AMMECR1: variants seen among roughly 807,000 people sequenced by gnomAD.
The protein encoded by AMMECR1 is nuclear protein AMMECR1.
AMMECR1 carries 3 observed loss-of-function variants against 22.5 expected under a neutral mutation model. That is an observed-to-expected ratio of 0.13 (90% CI 0.06 to 0.35). The LOEUF is 0.35. Ranked by LOEUF, AMMECR1 falls within the 10% of genes least tolerant of loss-of-function variation. The pLI is 1.00. For synonymous variants in AMMECR1, 130 were observed against 116.7 expected, an observed-to-expected ratio of 1.11 and a Z score of -0.74; for missense variants, 235 against 278.7, an observed-to-expected ratio of 0.84 and a Z score of 1.12.
chrX:110,282,890 T>C lies in AMMECR1; in HGVS notation c.474-18291A>G, dbSNP rs148517038. Among the ~76,000 whole-genome samples the C allele has an allele frequency of 3.4e-3, 378 of 111,581 alleles. 4 individuals are homozygous for C. The highest frequency in any genetic ancestry group is 0.012 in the African/African-American group (360 of 30,677). The stretch of plus-strand genomic sequence containing the variant: ...ATGCATTTTCTTCTTCTCGGCAAGA[T>C]TGGTTTACTTGCCCAAGACACTGTT... On this transcript the variant is annotated intron_variant, in intron 1 of 5. Coordinates refer to ENST00000262844, the MANE Select transcript of AMMECR1 (RefSeq NM_015365.3).
At chrX:110,245,976 T>C (rs1342717065) in intron 2 of AMMECR1, among the ~76,000 whole-genome samples, 2 of 112,388 alleles carry the variant, frequency 1.8e-5, no homozygotes, top group Non-Finnish European at 3.8e-5. Flanking sequence ...ACAATTTTAA[T>C]AAGCAGCCCT....
At chrX:110,319,809 T>G (rs1386561652), upstream of AMMECR1, among the ~76,000 whole-genome samples, 1 of 112,113 alleles carries the variant, frequency 8.9e-6, no homozygotes, top group Non-Finnish European at 1.9e-5. Flanking sequence ...CCAAAAACCA[T>G]GCCATTATAC....
intron 2 of AMMECR1, among the ~76,000 whole-genome samples, chrX:110,250,274 C>T (rs1025634951): frequency 9.0e-6 from 1 of 111,697 alleles, no homozygotes; most frequent in Admixed American, 9.5e-5. Flanking sequence ...TGTCAGGAGA[C>T]CTGTGTTCTA....
intron 2 of AMMECR1, among the ~76,000 whole-genome samples, chrX:110,237,239 CTT>C (rs2067606363): frequency 9.0e-6 from 1 of 111,095 alleles, no homozygotes; most frequent in African/African-American, 3.3e-5. Context: ...ATAACGGACT[CTT>C]TAGATGAACA....
intron 1 of AMMECR1, among the ~76,000 whole-genome samples, chrX:110,433,842 CCA>C (rs1462820817): frequency 8.9e-6 from 1 of 112,222 alleles, no homozygotes; most frequent in African/African-American, 3.2e-5. Context: ...ATTTTTATTT[CCA>C]GTTTACAAAT....
intron 2 of AMMECR1, among the ~76,000 whole-genome samples, chrX:110,231,977 A>G (rs767770678): frequency 8.9e-6 from 1 of 111,912 alleles, no homozygotes; most frequent in South Asian, 3.8e-4. Flanking sequence ...TATCCTAAAT[A>G]TATATGCACC....
At chrX:110,417,859 G>T (rs913540370) in intron 2 of AMMECR1, among the ~76,000 whole-genome samples, 1 of 112,484 alleles carries the variant, frequency 8.9e-6, no homozygotes. Flanking sequence ...AAGAGAAAAC[G>T]GAGGTAGCCT....
At chrX:110,385,501 G>A (rs186786560) in intron 2 of AMMECR1, among the ~76,000 whole-genome samples, 4 of 111,253 alleles carry the variant, frequency 3.6e-5, no homozygotes, top group East Asian at 2.8e-4. Context: ...ACTGGTAGCC[G>A]TTTCCATCCC....
At chrX:110,238,720 A>T (rs1444956198) in intron 2 of AMMECR1, among the ~76,000 whole-genome samples, 1 of 112,447 alleles carries the variant, frequency 8.9e-6, no homozygotes, top group Admixed American at 9.3e-5. Context: ...TGCCTCCTCA[A>T]GTGGGTCCCT....
chrX:110,411,579 T>C (rs188654361), intron 2 of AMMECR1, among the ~76,000 whole-genome samples: 133 of 111,809 alleles, frequency 1.2e-3, no homozygotes, highest in African/African-American at 4.0e-3. Context: ...GTAGAATCTA[T>C]GAAGAAAAAG....
At chrX:110,366,915 T>C (rs1433889519) in intron 2 of AMMECR1, among the ~76,000 whole-genome samples, 2 of 111,687 alleles carry the variant, frequency 1.8e-5, no homozygotes, top group East Asian at 5.6e-4. Flanking sequence ...ATCTTTCCTT[T>C]CCTCAAACTT....
rs2068189243 is a variant in AMMECR1 at position 110,346,417 on chromosome X, G to A, written c.-147-28568C>T. ...TCAAAGAAATAATAAACCACAATAA[G>A]TTACTAGTTTTCACTAATATGATAT... On this transcript the variant is annotated intron_variant, in intron 2 of 7. Transcript: ENST00000372057. Among the ~76,000 whole-genome samples the A allele has an allele frequency of 1.8e-5, 2 of 111,871 alleles. 1 individual carries two copies. The highest frequency in any genetic ancestry group is 7.4e-4 in the South Asian group (2 of 2,709).
chrX:110,352,636 A>T (rs1296078268), intron 2 of AMMECR1, among the ~76,000 whole-genome samples: 1 of 111,622 alleles, frequency 9.0e-6, no homozygotes, highest in Non-Finnish European at 1.9e-5. Context: ...AATTATGGTG[A>T]TGTTTGCACA....
chrX:110,214,295 T>A (rs773703464), intron 3 of AMMECR1, among the ~76,000 whole-genome samples: 1 of 110,965 alleles, frequency 9.0e-6, no homozygotes, highest in African/African-American at 3.3e-5. Context: ...TTTGCTTCAA[T>A]AGGGAACTAA....
chrX:110,251,060 T>A (rs1214739456), intron 2 of AMMECR1, among the ~76,000 whole-genome samples: 1 of 111,613 alleles, frequency 9.0e-6, no homozygotes, highest in East Asian at 2.8e-4. Flanking sequence ...CAAGAAGAGG[T>A]GACAGATATA....
At chrX:110,416,697 A>AT (rs1235083956) in intron 2 of AMMECR1, among the ~76,000 whole-genome samples, 1 of 111,944 alleles carries the variant, frequency 8.9e-6, no homozygotes, top group East Asian at 2.8e-4. Context: ...TTTTTAAAGT[A>AT]TTTTCCACCA....
At chrX:110,433,184 C>A (rs1033864656) in intron 1 of AMMECR1, among the ~76,000 whole-genome samples, 3 of 112,489 alleles carry the variant, frequency 2.7e-5, no homozygotes, top group African/African-American at 9.7e-5. Flanking sequence ...TCAAGCCGAG[C>A]CTGACGTCAC....
chrX:110,219,802 C>T (rs1323689831), intron 2 of AMMECR1, among the ~76,000 whole-genome samples: 1 of 112,065 alleles, frequency 8.9e-6, no homozygotes. Flanking sequence ...TTAAACAAGA[C>T]TTTTGATTCT....
chrX:110,342,192 A>T (rs1437623603), intron 2 of AMMECR1, among the ~76,000 whole-genome samples: 1 of 111,996 alleles, frequency 8.9e-6, no homozygotes, highest in Non-Finnish European at 1.9e-5. Context: ...TATAAATTAA[A>T]CTTTATCATA....
Sources: allele counts gnomAD v4.1 joint callset (sites outside exome capture counted in the v4.1 genomes callset), GRCh38; gene constraint gnomAD v4.1.1; transcripts MANE v1.5; gene names NCBI Gene and HGNC (gene_info 2026-07-23, HGNC 2026-07-21).